The following ARHGAP10 variants were observed in gnomAD, a reference collection of about 807,000 sequenced individuals.
ARHGAP10 encodes the protein Rho GTPase activating protein 10, also known as rho GTPase-activating protein 10.
In ARHGAP10, 87 loss-of-function variants were observed where a neutral mutation model predicts 108.6. That is an observed-to-expected ratio of 0.80 (90% CI 0.67 to 0.96). The LOEUF is 0.96. ARHGAP10 is among the 40% of genes least tolerant of loss of function. The pLI, the probability that ARHGAP10 is intolerant of heterozygous loss-of-function variation, is 0.00. For synonymous variants in ARHGAP10, 347 were observed against 341.1 expected (o/e 1.02, Z -0.19); for missense variants, 939 against 954.5 (o/e 0.98, Z 0.21).
rs758356862 is a variant in ARHGAP10, at chr4:148,023,323, C to G, written c.1777C>G (p.Pro593Ala). ...PEPTCLSASP[P>A]NAPPRQSKRQ... ...GCCCACCTGCCTGTCAGCATCACCCCCAAATGCGCCACCAAGGCAGTCGAA... is the reference window on the plus strand; with the variant it reads ...GCCCACCTGCCTGTCAGCATCACCCGCAAATGCGCCACCAAGGCAGTCGAA... The change falls in exon 19 of 23, where the codon CCA becomes GCA. Residue 593 changes from proline to alanine, a missense_variant. Coordinates refer to ENST00000336498, the MANE Select transcript of ARHGAP10 (RefSeq NM_024605.4). 11 of 1,614,198 alleles carry G rather than the reference C, an allele frequency of 6.8e-6. No homozygotes were observed. Among genetic ancestry groups the G allele is most frequent in the Non-Finnish European group, 9.3e-6 (11 of 1,180,020 alleles).
intron 13 of ARHGAP10, among the ~76,000 whole-genome samples, chr4:147,924,806 T>C (rs1737395771): frequency 6.6e-6 from 1 of 152,158 alleles, no homozygotes; most frequent in African/African-American, 2.4e-5. Flanking sequence ...ATCTCCTTCA[T>C]GGGGTTGTTG....
At chr4:147,868,624 A>G (rs929261042) in intron 7 of ARHGAP10, among the ~76,000 whole-genome samples, 1 of 152,142 alleles carries the variant, frequency 6.6e-6, no homozygotes, top group African/African-American at 2.4e-5. Context: ...GTGGTCCCCA[A>G]CCTTTTTGGC....
At chr4:147,976,554 T>C (rs559148348) in intron 18 of ARHGAP10, among the ~76,000 whole-genome samples, 38 of 152,010 alleles carry the variant, frequency 2.5e-4, no homozygotes, top group South Asian at 8.3e-4. Flanking sequence ...TTTTTTTTTT[T>C]TTCTTCTTCT....
chr4:148,006,650 A>G (rs541712790), intron 18 of ARHGAP10, among the ~76,000 whole-genome samples: 4 of 152,338 alleles, frequency 2.6e-5, no homozygotes. Context: ...ATTGACTTCC[A>G]GAAGAGAGTA....
chr4:147,991,177 A>G (rs1454911143), intron 18 of ARHGAP10, among the ~76,000 whole-genome samples: 1 of 151,828 alleles, frequency 6.6e-6, no homozygotes, highest in Non-Finnish European at 1.5e-5. Flanking sequence ...AAAGAAAACA[A>G]ATAGAAGTCT....
intron 16 of ARHGAP10, among the ~76,000 whole-genome samples, chr4:147,959,405 A>G (rs1224571382): frequency 6.6e-6 from 1 of 152,124 alleles, no homozygotes; most frequent in Non-Finnish European, 1.5e-5. Context: ...TCTAGAGTAC[A>G]TGTGTACAAC....
intron 7 of ARHGAP10, among the ~76,000 whole-genome samples, chr4:147,873,659 T>A (rs1734931883): frequency 9.4e-6 from 1 of 106,528 alleles, no homozygotes; most frequent in Non-Finnish European, 2.0e-5. Context: ...GACCCCTGTC[T>A]CTACAAAAAA....
At chr4:147,865,035 T>C in intron 6 of ARHGAP10, 79 bp downstream of exon 6, 1 of 1,274,050 alleles carries the variant, frequency 7.8e-7, no homozygotes, top group Non-Finnish European at 1.1e-6. Flanking sequence ...TGATTTATGG[T>C]TTATAGTTAC....
chr4:147,977,421 T>TA lies in ARHGAP10; in HGVS notation c.1716+10586dup, dbSNP rs1243489955. On this transcript the variant is annotated intron_variant, in intron 18 of 22. Coordinates refer to ENST00000336498, the MANE Select transcript of ARHGAP10 (RefSeq NM_024605.4). Reference sequence around the variant, plus strand: ...GTGCTCACTATGTATTTTTTCTTTGTAAAATAAAGCTTTTAGAGCTGTCTT... The same window carrying TA: ...GTGCTCACTATGTATTTTTTCTTTGTAAAAATAAAGCTTTTAGAGCTGTCTT... 3.9e-5 allele frequency among the ~76,000 whole-genome samples: 6 copies of TA among 152,162 alleles called. No homozygotes were observed. The South Asian group carries it at 1.2e-3, about 32-fold the overall frequency.
intron 12 of ARHGAP10, among the ~76,000 whole-genome samples, chr4:147,912,023 G>GTA (rs1736763737): frequency 6.7e-6 from 1 of 150,212 alleles, no homozygotes; most frequent in African/African-American, 2.4e-5. Flanking sequence ...GTGTGTGTGT[G>GTA]TGTGTGTGTG....
Position 147,965,008 on chromosome 4 carries a change from A to AT in ARHGAP10, c.1451-6dup, listed in dbSNP as rs150624108. ...TTTCTTTATTTTTTTCTTTATTATT[A>AT]TTTTTTTTTTGGAAGAAAGCGGCAG... On this transcript the variant is annotated splice_polypyrimidine_tract_variant and intron_variant, in intron 16 of 22. Coordinates refer to ENST00000336498, the MANE Select transcript of ARHGAP10 (RefSeq NM_024605.4). The AT allele has an allele frequency of 3.8e-3, 4,907 of 1,301,108 alleles. No individual in the cohort carries two copies. Among genetic ancestry groups the AT allele is most frequent in the South Asian group, 7.8e-3 (498 of 63,606 alleles). The allele number at this position is 1,301,108 out of a possible 1,614,324, so 80.6% of individuals were successfully genotyped here.
chr4:148,059,899 C>T (rs1287051748), intron 20 of ARHGAP10, among the ~76,000 whole-genome samples: 1 of 152,112 alleles, frequency 6.6e-6, no homozygotes, highest in Non-Finnish European at 1.5e-5. Context: ...GGCCAGGTCA[C>T]ACCTACATGC....
rs1728196901 is a variant in ARHGAP10, at chr4:148,032,476, A to G, written c.1867+9063A>G. Among the ~76,000 whole-genome samples, 3 of 151,786 alleles carry G rather than the reference A, an allele frequency of 2.0e-5. No individual in the cohort carries two copies. The South Asian group carries it at 6.3e-4, about 32-fold the overall frequency. ...TATTAGCAAGTCTGTACCTTGTGAA[A>G]CTGCTGTAGGTATATGCCAAACATG... On this transcript the variant is annotated intron_variant, in intron 19 of 22. Transcript: ENST00000336498.
At chr4:147,994,249 G>A (rs1740387497) in intron 18 of ARHGAP10, among the ~76,000 whole-genome samples, 1 of 152,190 alleles carries the variant, frequency 6.6e-6, no homozygotes, top group Non-Finnish European at 1.5e-5. Context: ...GCTTATGTAT[G>A]TCTCTGTTGG....
At chr4:147,891,890 C>A (rs1230748463) in intron 10 of ARHGAP10, among the ~76,000 whole-genome samples, 3 of 152,088 alleles carry the variant, frequency 2.0e-5, no homozygotes, top group Non-Finnish European at 2.9e-5. Flanking sequence ...CCCGCCCCAA[C>A]AATTGTGTTA....
chr4:147,994,905 T>TA (rs1295205165), intron 18 of ARHGAP10, among the ~76,000 whole-genome samples: 1 of 152,234 alleles, frequency 6.6e-6, no homozygotes, highest in Non-Finnish European at 1.5e-5. Flanking sequence ...GTGCTTAATG[T>TA]GCTAATAAGC....
chr4:147,918,370 C>T (rs903806437), intron 13 of ARHGAP10, among the ~76,000 whole-genome samples: 3 of 152,040 alleles, frequency 2.0e-5, no homozygotes, highest in Non-Finnish European at 4.4e-5. Context: ...CTCCTGACCT[C>T]GTGATCCACC....
At position 147,992,236 on chromosome 4, in the gene ARHGAP10, C is replaced by T. The variant is rs569088680; in HGVS notation, c.1716+25397C>T. On this transcript the variant is annotated intron_variant, in intron 18 of 22. Transcript: ENST00000336498. ...CTAAGCCTGATTGCATGCTGTCGTT[C>T]GGTCCCCACATTTTTTGGAGAAGCC... 3.0e-4 allele frequency among the ~76,000 whole-genome samples: 45 copies of T among 152,156 alleles called. 1 individual carries two copies. Among genetic ancestry groups the T allele is most frequent in the Non-Finnish European group, 1.9e-4 (13 of 68,018 alleles).
chr4:147,892,160 CT>C (rs1735815693), intron 10 of ARHGAP10, among the ~76,000 whole-genome samples: 1 of 151,910 alleles, frequency 6.6e-6, no homozygotes, highest in African/African-American at 2.4e-5. Context: ...GTAGAATTCA[CT>C]TATTTATATT....
Sources: allele counts gnomAD v4.1 joint callset (sites outside exome capture counted in the v4.1 genomes callset), GRCh38; gene constraint gnomAD v4.1.1; transcripts MANE v1.5; gene names NCBI Gene and HGNC (gene_info 2026-07-23, HGNC 2026-07-21).